SLC38A12: variants seen among roughly 807,000 people sequenced by gnomAD.
SLC38A12 encodes the protein putative sodium-coupled neutral amino acid transporter 12.
the SLC38A12 span, among the ~76,000 whole-genome samples, chr17:74,789,705 C>G: frequency 6.6e-6 from 1 of 151,644 alleles, no homozygotes; most frequent in Non-Finnish European, 1.5e-5. Context: ...ATTAGCCGGC[C>G]GTGGTGGCAA....
the SLC38A12 span, among the ~76,000 whole-genome samples, chr17:74,790,781 A>T: frequency 6.6e-6 from 1 of 152,022 alleles, no homozygotes; most frequent in Non-Finnish European, 1.5e-5. Flanking sequence ...TTAAAAAAAA[A>T]AAAAAAAAAA....
chr17:74,802,660 G>C, the SLC38A12 span, among the ~76,000 whole-genome samples: 1 of 152,148 alleles, frequency 6.6e-6, no homozygotes, highest in African/African-American at 2.4e-5. Flanking sequence ...TATACTCACA[G>C]TAGAGCATCT....
chr17:74,794,968 A>T, the SLC38A12 span: 2 of 1,500,012 alleles, frequency 1.3e-6, no homozygotes, highest in Non-Finnish European at 9.2e-7. Context: ...AAACATGCAG[A>T]CATCTCTTTG....
the SLC38A12 span, among the ~76,000 whole-genome samples, chr17:74,809,854 G>T: frequency 6.6e-6 from 1 of 152,200 alleles, no homozygotes; most frequent in African/African-American, 2.4e-5. Context: ...AAGTATCTGA[G>T]CAGAGGTAGC....
the SLC38A12 span, chr17:74,790,243 T>G: frequency 6.2e-7 from 1 of 1,614,164 alleles, no homozygotes; most frequent in Non-Finnish European, 8.5e-7. Context: ...GACAGCGATG[T>G]TCTCATCCGG....
the SLC38A12 span, among the ~76,000 whole-genome samples, chr17:74,817,503 C>G: frequency 1.3e-5 from 2 of 152,172 alleles, no homozygotes; most frequent in African/African-American, 4.8e-5. Flanking sequence ...TTCGACTCCT[C>G]TAGATTCATA....
At chr17:74,791,622 T>C in the SLC38A12 span, among the ~76,000 whole-genome samples, 1 of 152,270 alleles carries the variant, frequency 6.6e-6, no homozygotes, top group Non-Finnish European at 1.5e-5. Context: ...GAATCTGCTA[T>C]GCGCACGCCT....
the SLC38A12 span, among the ~76,000 whole-genome samples, chr17:74,799,675 G>A: frequency 1.3e-5 from 2 of 152,228 alleles, no homozygotes; most frequent in African/African-American, 2.4e-5. Flanking sequence ...GAAGGGTCAA[G>A]GGTCCTTCCA....
At chr17:74,818,372 G>A in the SLC38A12 span, among the ~76,000 whole-genome samples, 13 of 152,232 alleles carry the variant, frequency 8.5e-5, no homozygotes, top group Non-Finnish European at 1.5e-4. Flanking sequence ...CCTGGTGGCT[G>A]CCAGGTCGCC....
chr17:74,815,720 G>C, the SLC38A12 span, among the ~76,000 whole-genome samples: 1 of 152,226 alleles, frequency 6.6e-6, no homozygotes, highest in African/African-American at 2.4e-5. Flanking sequence ...GCCTCAGCAG[G>C]CGTGAGTTGA....
At chr17:74,795,622 G>A in the SLC38A12 span, 444 of 1,613,576 alleles carry the variant, frequency 2.8e-4, no homozygotes, top group Non-Finnish European at 3.3e-4. Flanking sequence ...GACGCCTACC[G>A]CATCTACTTG....
the SLC38A12 span, among the ~76,000 whole-genome samples, chr17:74,788,120 A>G: frequency 6.6e-6 from 1 of 152,192 alleles, no homozygotes; most frequent in Non-Finnish European, 1.5e-5. Context: ...GGAAAAGAAA[A>G]GATGATTTTT....
At chr17:74,833,815 G>C in the SLC38A12 span, among the ~76,000 whole-genome samples, 2 of 152,334 alleles carry the variant, frequency 1.3e-5, no homozygotes, top group East Asian at 1.9e-4. Flanking sequence ...GGCAGTGGCA[G>C]TGCAGGATTT....
At chr17:74,806,096 G>C in the SLC38A12 span, among the ~76,000 whole-genome samples, 5 of 152,314 alleles carry the variant, frequency 3.3e-5, no homozygotes, top group African/African-American at 1.2e-4. Context: ...TTGGAGGTGT[G>C]GGTGTTTTTT....
the SLC38A12 span, among the ~76,000 whole-genome samples, chr17:74,805,574 C>T: frequency 6.6e-6 from 1 of 152,202 alleles, no homozygotes; most frequent in Non-Finnish European, 1.5e-5. The surrounding 1 kb of genome is among the most constrained non-coding windows in gnomAD (Gnocchi z 5.0). Context: ...CAAGAGAGCT[C>T]ATTAATCAGC....
At chr17:74,805,614 C>T in the SLC38A12 span, among the ~76,000 whole-genome samples, 1,064 of 152,296 alleles carry the variant, frequency 7.0e-3, 12 homozygotes, top group Middle Eastern at 0.01. This position sits in a 1 kb window ranked among gnomAD's most constrained non-coding sequence, Gnocchi z 5.0. Context: ...CCCTCCGTCC[C>T]GCCTCCAAGG....
chr17:74,790,616 C>G, the SLC38A12 span, among the ~76,000 whole-genome samples: 1 of 152,014 alleles, frequency 6.6e-6, no homozygotes, highest in Admixed American at 6.6e-5. Context: ...CCTGGAAGCT[C>G]AAGTAGATGT....
chr17:74,829,138 T>G, the SLC38A12 span, among the ~76,000 whole-genome samples: 1 of 152,222 alleles, frequency 6.6e-6, no homozygotes, highest in Non-Finnish European at 1.5e-5. The surrounding 1 kb of genome is among the most constrained non-coding windows in gnomAD (Gnocchi z 4.1). Context: ...TTTTTTTCTT[T>G]TTTGAGACAG....
At chr17:74,822,780 A>T in the SLC38A12 span, among the ~76,000 whole-genome samples, 2 of 152,194 alleles carry the variant, frequency 1.3e-5, no homozygotes, top group South Asian at 4.1e-4. Flanking sequence ...CCAGCACTGG[A>T]ACCAGCGGGG....
Sources: gnomAD v4.1 joint callset for allele counts (sites outside exome capture counted in the v4.1 genomes callset) on GRCh38, gnomAD v4.1.1 for gene constraint, Gnocchi (gnomAD v3.1) non-coding constraint, MANE v1.5 for transcripts, NCBI Gene and HGNC (gene_info 2026-07-23, HGNC 2026-07-21) for gene names.